The following FAS variants were observed in gnomAD, a reference collection of about 807,000 sequenced individuals.
FAS encodes the protein tumor necrosis factor receptor superfamily member 6.
Under a neutral mutation model 33.2 loss-of-function variants are expected in FAS, and 5 were observed. The ratio of observed to expected loss-of-function variants is 0.15; its 90% confidence interval spans 0.08 to 0.32. The LOEUF is 0.32. Ranked by LOEUF, FAS falls within the 10% of genes least tolerant of loss-of-function variation. FAS has a pLI of 1.00. For missense variants in FAS, 339 were observed against 386.0 expected (o/e 0.88, Z 1.02); for synonymous variants, 131 against 130.7 (o/e 1.00, Z -0.01).
intron 1 of FAS, chr10:88,991,330 G>A (rs1847197856): frequency 1.2e-5 from 4 of 336,750 alleles, no homozygotes; most frequent in African/African-American, 2.2e-5. Flanking sequence ...GACAAGCCAA[G>A]CCAAAGGTCC....
At chr10:88,996,819 G>A (rs9658696) in intron 1 of FAS, among the ~76,000 whole-genome samples, 7,690 of 151,994 alleles carry the variant, frequency 0.051, 459 homozygotes, top group African/African-American at 0.14. Flanking sequence ...CCCACAGGTA[G>A]TGGCCACAGG....
intron 1 of FAS, among the ~76,000 whole-genome samples, chr10:88,968,501 C>T (rs1846363322): frequency 6.6e-6 from 1 of 152,176 alleles, no homozygotes; most frequent in Non-Finnish European, 1.5e-5. Flanking sequence ...CTCTGCTGAC[C>T]TGAAGGAATG....
At chr10:89,007,479 T>C (rs1019415670) in intron 2 of FAS, among the ~76,000 whole-genome samples, 6 of 152,206 alleles carry the variant, frequency 3.9e-5, no homozygotes, top group African/African-American at 1.4e-4. Context: ...CCTATTTCTA[T>C]GGGCTTCAGT....
intron 1 of FAS, among the ~76,000 whole-genome samples, chr10:89,002,411 A>G (rs1291701959): frequency 6.6e-6 from 1 of 152,106 alleles, no homozygotes; most frequent in Non-Finnish European, 1.5e-5. Context: ...TGAATTTAGT[A>G]TATCAAGGAG....
intron 1 of FAS, chr10:88,973,080 A>G: frequency 7.4e-7 from 1 of 1,345,692 alleles, no homozygotes; most frequent in Non-Finnish European, 1.0e-6. Flanking sequence ...TTAGTCTTTC[A>G]AAAAATAATT....
At chr10:88,964,528 A>G (rs1382862246) in intron 1 of FAS, among the ~76,000 whole-genome samples, 1 of 152,214 alleles carries the variant, frequency 6.6e-6, no homozygotes, top group African/African-American at 2.4e-5. Flanking sequence ...TCTTCAGGCA[A>G]GCAAGGGCCT....
At chr10:88,999,085 G>A (rs918700115) in intron 1 of FAS, among the ~76,000 whole-genome samples, 17 of 151,502 alleles carry the variant, frequency 1.1e-4, no homozygotes, top group African/African-American at 3.9e-4. Context: ...CCCGGGAGGC[G>A]GAGCTTGCAG....
chr10:88,993,516 C>T (rs112081730), intron 1 of FAS, among the ~76,000 whole-genome samples: 12,508 of 152,118 alleles, frequency 0.082, 680 homozygotes, highest in Middle Eastern at 0.16. Flanking sequence ...GGACATTGGC[C>T]AGGCAATCAC....
intron 1 of FAS, among the ~76,000 whole-genome samples, chr10:88,991,987 G>A (rs1014552233): frequency 1.3e-5 from 2 of 152,078 alleles, no homozygotes; most frequent in African/African-American, 2.4e-5. Context: ...TGATCTCCGC[G>A]GATTCTCACG....
chr10:89,003,014 G>T lies in FAS; in HGVS notation c.31-15G>T, dbSNP rs141136397. On this transcript the variant is annotated splice_polypyrimidine_tract_variant and intron_variant, in intron 1 of 8. Coordinates refer to ENST00000652046, the MANE Select transcript of FAS (RefSeq NM_000043.6). Reference sequence around the variant, plus strand: ...CAGAAATCAATAAAATTCTCTTCATGCTTTTATTTTACAGGTTCTTACGTC... The same window carrying T: ...CAGAAATCAATAAAATTCTCTTCATTCTTTTATTTTACAGGTTCTTACGTC... 1 of 1,613,882 alleles carries T rather than the reference G, an allele frequency of 6.2e-7. No homozygotes were observed. The highest frequency in any genetic ancestry group is 8.5e-7 in the Non-Finnish European group (1 of 1,179,836).
chr10:88,999,777 C>T (rs1434528583), intron 1 of FAS, among the ~76,000 whole-genome samples: 3 of 152,126 alleles, frequency 2.0e-5, no homozygotes, highest in Admixed American at 2.0e-4. Context: ...TTTTGTTTAT[C>T]TTATTGTCTC....
At chr10:88,969,827 C>A (rs991795435) in intron 1 of FAS, among the ~76,000 whole-genome samples, 1 of 152,214 alleles carries the variant, frequency 6.6e-6, no homozygotes, top group Non-Finnish European at 1.5e-5. Context: ...TGTTCACCAT[C>A]ATATCCCAGT....
chr10:88,985,305 G>A (rs1207956364), upstream of FAS, among the ~76,000 whole-genome samples: 1 of 152,086 alleles, frequency 6.6e-6, no homozygotes, highest in Non-Finnish European at 1.5e-5. Flanking sequence ...GCTAATTTGG[G>A]GGTGTTCTCA....
chr10:88,972,308 T>A (rs1158654637), intron 1 of FAS, among the ~76,000 whole-genome samples: 1 of 152,216 alleles, frequency 6.6e-6, no homozygotes, highest in Non-Finnish European at 1.5e-5. Flanking sequence ...TTGTCTTGTC[T>A]TCAGGCAGCA....
At chr10:89,001,360 T>C (rs1272867413) in intron 1 of FAS, among the ~76,000 whole-genome samples, 2 of 151,988 alleles carry the variant, frequency 1.3e-5, no homozygotes, top group Non-Finnish European at 2.9e-5. Flanking sequence ...GCTTTTATTT[T>C]GTCTGTGGGG....
intron 6 of FAS, among the ~76,000 whole-genome samples, chr10:89,011,587 A>G (rs568283946): frequency 1.3e-5 from 2 of 152,316 alleles, no homozygotes; most frequent in East Asian, 3.9e-4. Context: ...GCATACACCT[A>G]TTGAGTATGT....
intron 2 of FAS, among the ~76,000 whole-genome samples, chr10:88,975,926 A>C (rs1344269777): frequency 6.6e-6 from 1 of 152,120 alleles, no homozygotes; most frequent in Non-Finnish European, 1.5e-5. Context: ...ATAGAAGCCA[A>C]ATTTCTTTCC....
chr10:89,010,999 G>T, intron 6 of FAS, 184 bp downstream of exon 6: 1 of 700,850 alleles, frequency 1.4e-6, no homozygotes, highest in South Asian at 1.7e-5. Context: ...TCCTCAGCTA[G>T]TTTCTGAGCA....
intron 1 of FAS, among the ~76,000 whole-genome samples, chr10:89,002,159 A>T (rs894933966): frequency 1.3e-5 from 2 of 152,222 alleles, no homozygotes; most frequent in African/African-American, 4.8e-5. Flanking sequence ...TAATTGTCTT[A>T]AAACAAATGG....
Sources: gnomAD v4.1 joint callset for allele counts (sites outside exome capture counted in the v4.1 genomes callset) on GRCh38, gnomAD v4.1.1 for gene constraint, MANE v1.5 for transcripts, NCBI Gene and HGNC (gene_info 2026-07-23, HGNC 2026-07-21) for gene names.